MDGA2: variants seen among roughly 807,000 people sequenced by gnomAD.
The protein encoded by MDGA2 is MAM domain containing glycosylphosphatidylinositol anchor 2, also known as MAM domain-containing glycosylphosphatidylinositol anchor protein 2.
MDGA2 carries 40 observed loss-of-function variants against 117.8 expected under a neutral mutation model. That is an observed-to-expected ratio of 0.34 (90% CI 0.26 to 0.44). The LOEUF is 0.44. MDGA2 is among the 20% of genes least tolerant of loss of function. The pLI, the probability that MDGA2 is intolerant of heterozygous loss-of-function variation, is 1.00. For missense variants in MDGA2, 1,123 were observed against 1,250.6 expected, an observed-to-expected ratio of 0.90 and a Z score of 1.54; for synonymous variants, 452 against 439.0, an observed-to-expected ratio of 1.03 and a Z score of -0.37.
chr14:47,309,911 G>A (rs955298567), intron 1 of MDGA2, among the ~76,000 whole-genome samples: 32 of 151,938 alleles, frequency 2.1e-4, no homozygotes, highest in African/African-American at 7.5e-4. Flanking sequence ...AATAAATTAT[G>A]TAATTTAAAT....
chr14:46,879,775 C>T (rs1277534012), intron 11 of MDGA2, among the ~76,000 whole-genome samples: 3 of 151,868 alleles, frequency 2.0e-5, no homozygotes, highest in African/African-American at 4.8e-5. Flanking sequence ...TTTCTGGGTC[C>T]GAATATCTTC....
intron 3 of MDGA2, among the ~76,000 whole-genome samples, chr14:47,172,183 C>T (rs1242518199): frequency 6.6e-6 from 1 of 152,288 alleles, no homozygotes; most frequent in Non-Finnish European, 1.5e-5. Flanking sequence ...CTCAAGGAGG[C>T]CTGCCTGCCT....
chr14:47,318,668 T>C (rs1484328657), intron 1 of MDGA2, among the ~76,000 whole-genome samples: 2 of 151,996 alleles, frequency 1.3e-5, no homozygotes, highest in Admixed American at 6.6e-5. Flanking sequence ...CCAAGCAATG[T>C]GACCAGCACA....
intron 2 of MDGA2, among the ~76,000 whole-genome samples, chr14:47,275,617 T>C (rs894552187): frequency 2.6e-5 from 4 of 152,166 alleles, no homozygotes; most frequent in African/African-American, 7.2e-5. Context: ...AAGCTTTATG[T>C]AATACTATAA....
chr14:46,879,135 A>AGGTAATT (rs1882347046), intron 11 of MDGA2, among the ~76,000 whole-genome samples: 1 of 151,982 alleles, frequency 6.6e-6, no homozygotes, highest in African/African-American at 2.4e-5. Context: ...TCCTTTAGGG[A>AGGTAATT]GGTAATTAAG....
chr14:46,916,480 A>ATT (rs149162726), intron 10 of MDGA2, among the ~76,000 whole-genome samples: 3 of 152,044 alleles, frequency 2.0e-5, no homozygotes, highest in African/African-American at 7.2e-5. Context: ...TTAAAAAGGA[A>ATT]TTTTTTAAAA....
chr14:47,155,345 A>G (rs1255552890), intron 3 of MDGA2, among the ~76,000 whole-genome samples: 1 of 151,864 alleles, frequency 6.6e-6, no homozygotes, highest in Non-Finnish European at 1.5e-5. Context: ...TGCTTGCCAC[A>G]TTGCGGATGA....
intron 3 of MDGA2, among the ~76,000 whole-genome samples, chr14:47,216,935 G>C (rs190585371): frequency 2.6e-5 from 4 of 152,048 alleles, no homozygotes; most frequent in Admixed American, 1.3e-4. Flanking sequence ...GGGGCCTCAG[G>C]AAATAGAAGA....
intron 3 of MDGA2, among the ~76,000 whole-genome samples, chr14:47,155,914 T>C (rs1301063364): frequency 2.9e-5 from 2 of 68,512 alleles, no homozygotes; most frequent in Admixed American, 2.7e-4. Flanking sequence ...TTTTTTTTTT[T>C]TTTTTTTTTT....
In MDGA2 at chr14:46,953,330, C is replaced by T. The variant is rs140305106; in HGVS notation, c.2089+4044G>A. On this transcript the variant is annotated intron_variant, in intron 9 of 16. Coordinates refer to ENST00000399232, the MANE Select transcript of MDGA2 (RefSeq NM_001113498.3). ...CTGTTAACTTTTGAAAAAAAAACAC[C>T]ACCCCTTTAGTATCTTTCATTTAAA... 6.1e-3 allele frequency among the ~76,000 whole-genome samples: 915 copies of T among 151,050 alleles called. 2 individuals are homozygous for T. The highest frequency in any genetic ancestry group is 0.019 in the East Asian group (96 of 5,136).
chr14:47,309,346 T>C (rs1227327980), intron 1 of MDGA2, among the ~76,000 whole-genome samples: 1 of 152,168 alleles, frequency 6.6e-6, no homozygotes, highest in Non-Finnish European at 1.5e-5. Flanking sequence ...AACATTGTAT[T>C]CCTGTCCACT....
intron 1 of MDGA2, among the ~76,000 whole-genome samples, chr14:47,499,062 C>G (rs1894343476): frequency 6.6e-6 from 1 of 152,018 alleles, no homozygotes; most frequent in East Asian, 1.9e-4. Flanking sequence ...ATGTTCATAT[C>G]ACTCCAGGAT....
intron 6 of MDGA2, among the ~76,000 whole-genome samples, chr14:47,079,727 ATTTTT>A (rs35801678): frequency 0.012 from 939 of 80,088 alleles, 11 homozygotes; most frequent in Middle Eastern, 0.061. Flanking sequence ...TTTTCTACTA[ATTTTT>A]TTTTTTTTTT....
intron 1 of MDGA2, among the ~76,000 whole-genome samples, chr14:47,471,404 CAT>C (rs529150513): frequency 5.3e-4 from 81 of 152,142 alleles, no homozygotes; most frequent in African/African-American, 1.6e-3. Context: ...ACTAGTTACA[CAT>C]GTTTTAAAAT....
Position 47,301,289 on chromosome 14 carries a change from ACCCACC to A in MDGA2, c.420+116_420+121del, listed in dbSNP as rs1394093151. 4.2e-6 allele frequency: 4 copies of A among 948,846 alleles called. No individual in the cohort carries two copies. The African/African-American group carries it at 1.1e-4, about 26-fold the overall frequency. The allele number at this position is 948,846 out of a possible 1,614,324, so 58.8% of individuals were successfully genotyped here. On this transcript the variant is annotated intron_variant, in intron 2 of 16. Coordinates refer to ENST00000399232, the MANE Select transcript of MDGA2 (RefSeq NM_001113498.3). ...TTGAGTTACACACACACACACCCACACCCACCCACACACACACACACACACACACAC... is the reference window on the plus strand; with the variant it reads ...TTGAGTTACACACACACACACCCACACACACACACACACACACACACACAC...
chr14:47,589,646 T>C (rs908170127), intron 1 of MDGA2, among the ~76,000 whole-genome samples: 3 of 151,974 alleles, frequency 2.0e-5, no homozygotes, highest in African/African-American at 7.2e-5. Context: ...TTAGGTATTC[T>C]GGGTCCTTCA....
chr14:46,965,017 G>C (rs1280335826), intron 8 of MDGA2, among the ~76,000 whole-genome samples: 2 of 114,914 alleles, frequency 1.7e-5, no homozygotes, highest in African/African-American at 9.5e-5. Flanking sequence ...TCCGCCTCCC[G>C]GGTTCACGCC....
At chr14:47,584,806 T>C (rs1313328451) in intron 1 of MDGA2, among the ~76,000 whole-genome samples, 2 of 151,830 alleles carry the variant, frequency 1.3e-5, no homozygotes, top group Non-Finnish European at 2.9e-5. Context: ...ATCCCATTAA[T>C]ACCCCACAAC....
At chr14:47,645,483 C>T (rs1042851675) in intron 1 of MDGA2, among the ~76,000 whole-genome samples, 3 of 151,684 alleles carry the variant, frequency 2.0e-5, no homozygotes, top group Admixed American at 6.6e-5. Context: ...ATCCGCCCGC[C>T]TCGTCCTCCC....
Sources: gnomAD v4.1 joint callset for allele counts (sites outside exome capture counted in the v4.1 genomes callset) on GRCh38, gnomAD v4.1.1 for gene constraint, MANE v1.5 for transcripts, NCBI Gene and HGNC (gene_info 2026-07-23, HGNC 2026-07-21) for gene names.